PCDHGB2: variants seen among roughly 807,000 people sequenced by gnomAD.
The protein encoded by PCDHGB2 is protocadherin gamma-B2.
In PCDHGB2, 55 loss-of-function variants were observed where a neutral mutation model predicts 59.3. That is an observed-to-expected ratio of 0.93 (90% CI 0.75 to 1.16). The LOEUF (loss-of-function observed/expected upper bound fraction) is 1.16, where lower values mean the gene tolerates loss of function less well. Ranked by LOEUF, PCDHGB2 falls within the 50% of genes most tolerant of loss-of-function variation. The pLI is 0.00. For missense variants in PCDHGB2, 1,228 were observed against 1,198.5 expected (o/e 1.02, Z -0.36); for synonymous variants, 516 against 512.0 (o/e 1.01, Z -0.11).
At chr5:141,394,798 T>C (rs770334197) in intron 1 of PCDHGB2, 1 of 1,613,818 alleles carries the variant, frequency 6.2e-7, no homozygotes, top group Non-Finnish European at 8.5e-7. Flanking sequence ...ACGCTCACCG[T>C]AGCCGTGGCT....
intron 1 of PCDHGB2, chr5:141,416,429 G>A (rs952059043): frequency 1.3e-5 from 2 of 152,144 alleles, no homozygotes; most frequent in African/African-American, 4.8e-5. Flanking sequence ...AGTGACTAAG[G>A]CTGAAAGTAA....
chr5:141,366,788 T>G, intron 1 of PCDHGB2: 1 of 1,571,338 alleles, frequency 6.4e-7, no homozygotes, highest in Non-Finnish European at 8.6e-7. Context: ...ACCAGAACAT[T>G]TTCATTTGTT....
chr5:141,407,807 T>G (rs916388568), intron 1 of PCDHGB2, among the ~76,000 whole-genome samples: 1 of 152,202 alleles, frequency 6.6e-6, no homozygotes, highest in African/African-American at 2.4e-5. Context: ...CATAGAAATA[T>G]CTACTATAAT....
chr5:141,401,890 C>T (rs2094204069), intron 1 of PCDHGB2, among the ~76,000 whole-genome samples: 1 of 152,084 alleles, frequency 6.6e-6, no homozygotes, highest in Non-Finnish European at 1.5e-5. Context: ...ATTTTGTGTT[C>T]TTTTTCCCAA....
At position 141,489,084 on chromosome 5, in the gene PCDHGB2, C is replaced by CCGG; in HGVS notation, c.2422-5723_2422-5722insCGG. ...CTCCCCCCTGCCCACCCCCGCCACT[C>CCGG]GGTGACTAAGAACTGCTGCAAGCAG... On this transcript the variant is annotated intron_variant, in intron 1 of 3. Coordinates refer to ENST00000522605, the MANE Select transcript of PCDHGB2 (RefSeq NM_018923.3). This position sits in a 1 kb window ranked among gnomAD's most constrained non-coding sequence, Gnocchi z 4.5. The CCGG allele has an allele frequency of 3.0e-6, 1 of 329,134 alleles. No homozygotes were observed. The highest frequency in any genetic ancestry group is 2.5e-5 in the African/African-American group (1 of 40,384). 20.4% of individuals were successfully genotyped at this position (329,134 alleles called of 1,614,324 possible). A position where few individuals can be genotyped will look rare whatever the true frequency, so the allele number is the denominator to read the frequency against.
At position 141,376,453 on chromosome 5, in the gene PCDHGB2, T is replaced by G. The variant is rs779136467; in HGVS notation, c.2421+13897T>G. On this transcript the variant is annotated intron_variant, in intron 1 of 3. Transcript: ENST00000522605. ...AGGAGAGCTATGAGAAAAGCGAGCC[T>G]CTTCTGATAACTCAGGATTTACTTG... The G allele has an allele frequency of 1.9e-6, 3 of 1,614,166 alleles. No homozygotes were observed. The South Asian group carries it at 3.3e-5, about 18-fold the overall frequency.
At chr5:141,388,993 G>A (rs778336882) in intron 1 of PCDHGB2, 1 of 1,614,026 alleles carries the variant, frequency 6.2e-7, no homozygotes, top group South Asian at 1.1e-5. Flanking sequence ...CTCAAAGTCC[G>A]TGACAAGGAT....
At chr5:141,388,340 T>C in intron 1 of PCDHGB2, 1 of 1,613,994 alleles carries the variant, frequency 6.2e-7, no homozygotes, top group South Asian at 1.1e-5. Context: ...GCACACGATT[T>C]ATATTAGGAT....
At chr5:141,386,456 G>T (rs2090582697) in intron 1 of PCDHGB2, among the ~76,000 whole-genome samples, 1 of 152,278 alleles carries the variant, frequency 6.6e-6, no homozygotes, top group East Asian at 1.9e-4. Flanking sequence ...CAAGAGGACA[G>T]CTTGAACCCA....
In PCDHGB2 at chr5:141,432,122, G is replaced by C; in HGVS notation, c.2422-62685G>C. On this transcript the variant is annotated intron_variant, in intron 1 of 3. Transcript: ENST00000522605. This position sits in a 1 kb window ranked among gnomAD's most constrained non-coding sequence, Gnocchi z 6.0. ...CGACAACCCGCCGGTCTTCCCTCAG[G>C]CCTCCTATTCCGCTTATATCCCAGA... 6.2e-7 allele frequency: 1 copy of C among 1,614,052 alleles called. No homozygotes were observed. Among genetic ancestry groups the C allele is most frequent in the Non-Finnish European group, 8.5e-7 (1 of 1,180,022 alleles).
In PCDHGB2 at chr5:141,362,562, C is replaced by T. The variant is rs1762569349; in HGVS notation, c.2421+6C>T. ...CCTCAGATACTATTTTGAAGGTGAG[C>T]TTTAATTAATTTATTTTCACTTCTG... is the stretch of plus-strand genomic sequence containing the variant. On this transcript the variant is annotated splice_donor_region_variant and intron_variant, in intron 1 of 3. Transcript: ENST00000522605. 1 of 1,608,438 alleles carries T rather than the reference C, an allele frequency of 6.2e-7. No individual in the cohort carries two copies. Among genetic ancestry groups the T allele is most frequent in the Non-Finnish European group, 8.5e-7 (1 of 1,177,344 alleles).
At chr5:141,467,103 AGTACAATG>A (rs1438695307) in intron 1 of PCDHGB2, among the ~76,000 whole-genome samples, 1 of 147,462 alleles carries the variant, frequency 6.8e-6, no homozygotes, top group East Asian at 2.0e-4. Flanking sequence ...CACAGGCTGG[AGTACAATG>A]GTGCAATCTC....
intron 1 of PCDHGB2, chr5:141,441,954 CA>C (rs1240871171): frequency 3.1e-6 from 1 of 319,488 alleles, no homozygotes; most frequent in Non-Finnish European, 6.0e-6. Flanking sequence ...TGCAGGCCAG[CA>C]AGCCCAGGCT....
chr5:141,377,447 A>T (rs1397371836), intron 1 of PCDHGB2: 1 of 152,082 alleles, frequency 6.6e-6, no homozygotes, highest in African/African-American at 2.4e-5. Context: ...AAGAAAAAAA[A>T]GTAGCCAGAT....
In PCDHGB2 at chr5:141,360,615, A is replaced by T; in HGVS notation, c.480A>T (p.Ser160=). The T allele has an allele frequency of 6.2e-7, 1 of 1,614,042 alleles. No individual in the cohort carries two copies. Among genetic ancestry groups the T allele is most frequent in the Non-Finnish European group, 8.5e-7 (1 of 1,179,900 alleles). ...TTFPLDPALD[S]DVGPNSLQRY... Reference sequence around the variant, plus strand: ...TTCCACTTGACCCAGCCCTGGATTCAGATGTTGGTCCTAACTCACTACAAA... The same window carrying T: ...TTCCACTTGACCCAGCCCTGGATTCTGATGTTGGTCCTAACTCACTACAAA... Residue 160 remains serine, a synonymous_variant, in exon 1 of 4, where the codon TCA becomes TCT. Transcript: ENST00000522605.
chr5:141,426,719 A>G (rs776136674), intron 1 of PCDHGB2: 2 of 446,424 alleles, frequency 4.5e-6, no homozygotes, highest in Non-Finnish European at 9.1e-6. Context: ...ATGAACTAGC[A>G]ATTCCAGGCA....
In PCDHGB2 at chr5:141,485,818, C is replaced by T; in HGVS notation, c.2422-8989C>T. 6 of 1,613,912 alleles carry T rather than the reference C, an allele frequency of 3.7e-6. No homozygotes were observed. The highest frequency in any genetic ancestry group is 5.1e-6 in the Non-Finnish European group (6 of 1,179,974). On this transcript the variant is annotated intron_variant, in intron 1 of 3. Transcript: ENST00000522605. This position sits in a 1 kb window ranked among gnomAD's most constrained non-coding sequence, Gnocchi z 5.7. ...ACTACCGCCTGGTGCTGACTGCTGTCGATGGAGGGAACCCGCCGAGATCTG... is the reference window on the plus strand; with the variant it reads ...ACTACCGCCTGGTGCTGACTGCTGTTGATGGAGGGAACCCGCCGAGATCTG...
At position 141,511,345 on chromosome 5, in the gene PCDHGB2, T is replaced by C; in HGVS notation, c.*172T>C. ...AAGTGCCCAGTCAGCACCTACCCCT[T>C]CCCCCCCAGGGGGTTGAATATGCAA... On this transcript the variant is annotated 3_prime_UTR_variant, in exon 4 of 4. Transcript: ENST00000522605. The C allele has an allele frequency of 1.4e-6, 2 of 1,410,502 alleles. No homozygotes were observed. The highest frequency in any genetic ancestry group is 9.4e-7 in the Non-Finnish European group (1 of 1,060,676). 87.4% of individuals were successfully genotyped at this position (1,410,502 alleles called of 1,614,324 possible).
intron 1 of PCDHGB2, chr5:141,421,951 A>G: frequency 6.2e-7 from 1 of 1,612,854 alleles, no homozygotes; most frequent in Non-Finnish European, 8.5e-7. Flanking sequence ...TCACATCCCA[A>G]TGTTTACACA....
Sources: allele counts gnomAD v4.1 joint callset (sites outside exome capture counted in the v4.1 genomes callset), GRCh38; gene constraint gnomAD v4.1.1; non-coding constraint Gnocchi (gnomAD v3.1); transcripts MANE v1.5; gene names NCBI Gene and HGNC (gene_info 2026-07-23, HGNC 2026-07-21).